The following KLF17 variants were observed in gnomAD, a reference collection of about 807,000 sequenced individuals.
KLF17 encodes the protein KLF transcription factor 17, also known as Krueppel-like factor 17.
KLF17 carries 31 observed loss-of-function variants against 34.2 expected under a neutral mutation model. The ratio of observed to expected loss-of-function variants is 0.91; its 90% CI spans 0.68 to 1.22. The LOEUF (loss-of-function observed/expected upper bound fraction) is 1.22. KLF17 is among the 50% of genes most tolerant of loss of function. KLF17 has a pLI of 0.00. For missense variants in KLF17, 478 were observed against 505.2 expected, an observed-to-expected ratio of 0.95 and a Z score of 0.52; for synonymous variants, 179 against 186.7, an observed-to-expected ratio of 0.96 and a Z score of 0.34.
the KLF17 span, among the ~76,000 whole-genome samples, chr1:44,063,347 C>T: frequency 6.6e-6 from 1 of 152,260 alleles, no homozygotes; most frequent in East Asian, 1.9e-4. Context: ...TTGATTTGTA[C>T]ATATTACTGT....
In KLF17 at chr1:44,129,580, A is replaced by G. The variant is rs2088077250; in HGVS notation, c.309A>G (p.Gln103=). The G allele has an allele frequency of 5.0e-6, 8 of 1,613,994 alleles. No individual in the cohort carries two copies. The highest frequency in any genetic ancestry group is 1.6e-4 in the Middle Eastern group (1 of 6,084). The change falls in exon 2 of 4, where the codon CAA becomes CAG. Residue 103 remains glutamine, a synonymous_variant. Coordinates refer to ENST00000372299, the MANE Select transcript of KLF17 (RefSeq NM_173484.4). ...AGCGTGGTATGAGCTACTGCCCCCA[A>G]GCGACTCTCACTCCTTCCCGGATGA... The part of the protein sequence containing the change: ...LPERGMSYCP[Q]ATLTPSRMIY...
At chr1:44,074,264 T>C in the KLF17 span, among the ~76,000 whole-genome samples, 1 of 152,110 alleles carries the variant, frequency 6.6e-6, no homozygotes, top group Middle Eastern at 3.4e-3. Context: ...TTATGTTTTA[T>C]CTCCTCCTCC....
the KLF17 span, among the ~76,000 whole-genome samples, chr1:44,045,558 T>C: frequency 1.3e-5 from 2 of 152,218 alleles, no homozygotes; most frequent in Non-Finnish European, 2.9e-5. Flanking sequence ...TGTTTGGGGC[T>C]TGACATCACC....
At chr1:44,109,382 C>A in the KLF17 span, among the ~76,000 whole-genome samples, 1 of 151,998 alleles carries the variant, frequency 6.6e-6, no homozygotes, top group Non-Finnish European at 1.5e-5. Flanking sequence ...AAACAAAAAC[C>A]TTTTTCATAG....
chr1:44,050,704 G>A, the KLF17 span, among the ~76,000 whole-genome samples: 4 of 152,130 alleles, frequency 2.6e-5, no homozygotes, highest in South Asian at 8.3e-4. Context: ...ATCACTTGAG[G>A]TCAGGAGTTT....
the KLF17 span, among the ~76,000 whole-genome samples, chr1:44,072,001 C>CG: frequency 6.6e-6 from 1 of 150,982 alleles, no homozygotes; most frequent in Non-Finnish European, 1.5e-5. Flanking sequence ...TGGGGGGGGA[C>CG]GGGGGGACAA....
chr1:44,104,412 G>C, the KLF17 span: 1 of 897,542 alleles, frequency 1.1e-6, no homozygotes. Flanking sequence ...GCTCCACTTC[G>C]TCTCCTGAAT....
the KLF17 span, among the ~76,000 whole-genome samples, chr1:44,100,731 C>T: frequency 6.6e-6 from 1 of 152,038 alleles, no homozygotes; most frequent in Non-Finnish European, 1.5e-5. Flanking sequence ...TCTCCACTCA[C>T]TGCAACCTCT....
At chr1:44,119,623 G>A (rs1338901850) in intron 1 of KLF17, among the ~76,000 whole-genome samples, 1 of 152,158 alleles carries the variant, frequency 6.6e-6, no homozygotes, top group Non-Finnish European at 1.5e-5. Context: ...CCCGATTTGG[G>A]AGGCTTAGGA....
the KLF17 span, among the ~76,000 whole-genome samples, chr1:44,077,692 C>T: frequency 6.6e-6 from 1 of 152,178 alleles, no homozygotes; most frequent in African/African-American, 2.4e-5. Context: ...TGGAGTTTCT[C>T]CGTGTGATCT....
the KLF17 span, among the ~76,000 whole-genome samples, chr1:44,062,215 C>T: frequency 6.6e-6 from 1 of 152,126 alleles, no homozygotes; most frequent in Non-Finnish European, 1.5e-5. Flanking sequence ...TCTTTCTTTC[C>T]CCAAGAGAAA....
At chr1:44,104,048 C>T in the KLF17 span, 1 of 869,240 alleles carries the variant, frequency 1.2e-6, no homozygotes, top group Non-Finnish European at 2.0e-6. Context: ...GCACCACAGA[C>T]GTGGCGGAGA....
At chr1:44,091,615 C>T in the KLF17 span, among the ~76,000 whole-genome samples, 2 of 137,668 alleles carry the variant, frequency 1.5e-5, no homozygotes, top group African/African-American at 5.5e-5. Flanking sequence ...GAGATCGTGC[C>T]ACTGCATGAG....
chr1:44,104,261 C>A, the KLF17 span: 72 of 1,506,896 alleles, frequency 4.8e-5, no homozygotes, highest in Non-Finnish European at 6.3e-5. Context: ...AGTCCTCCAC[C>A]AGCCCCTGCG....
chr1:44,058,080 AGTC>A, the KLF17 span, among the ~76,000 whole-genome samples: 2 of 152,224 alleles, frequency 1.3e-5, no homozygotes, highest in Non-Finnish European at 2.9e-5. Context: ...ATTACCTAAA[AGTC>A]AGCAGAGTGA....
chr1:44,095,210 C>CT, the KLF17 span, among the ~76,000 whole-genome samples: 313 of 119,324 alleles, frequency 2.6e-3, 1 homozygote, highest in Middle Eastern at 5.3e-3. Context: ...CTATTTATAT[C>CT]TTTTTTTTTT....
At chr1:44,098,653 C>T in the KLF17 span, among the ~76,000 whole-genome samples, 1 of 150,334 alleles carries the variant, frequency 6.7e-6, no homozygotes, top group East Asian at 2.0e-4. Flanking sequence ...TGGGTTCACG[C>T]CATTCTCCTG....
chr1:44,109,227 T>C, the KLF17 span, among the ~76,000 whole-genome samples: 4 of 152,188 alleles, frequency 2.6e-5, no homozygotes, highest in African/African-American at 9.7e-5. Flanking sequence ...ATTAACAAAT[T>C]AGATTATAAA....
chr1:44,060,955 G>A, the KLF17 span, among the ~76,000 whole-genome samples: 14 of 152,310 alleles, frequency 9.2e-5, no homozygotes, highest in East Asian at 3.9e-4. Context: ...ACCTGGTTAC[G>A]TAACTATAAT....
Sources: gnomAD v4.1 joint callset for allele counts (sites outside exome capture counted in the v4.1 genomes callset) on GRCh38, gnomAD v4.1.1 for gene constraint, MANE v1.5 for transcripts, NCBI Gene and HGNC (gene_info 2026-07-23, HGNC 2026-07-21) for gene names.